PLEKHA6: variants seen among roughly 807,000 people sequenced by gnomAD.
The protein encoded by PLEKHA6 is pleckstrin homology domain containing A6.
Under a neutral mutation model 116.7 loss-of-function variants are expected in PLEKHA6, and 60 were observed. The observed-to-expected ratio is 0.51, with a 90% CI of 0.42 to 0.64. PLEKHA6 has a LOEUF of 0.64. PLEKHA6 is among the 30% of genes least tolerant of loss of function. The probability of loss-of-function intolerance (pLI) is 0.00; values close to 1 mark genes in which losing one functional copy is unlikely to be tolerated. For missense variants in PLEKHA6, 1,338 were observed against 1,422.7 expected, an observed-to-expected ratio of 0.94 and a Z score of 0.96; for synonymous variants, 489 against 556.1, an observed-to-expected ratio of 0.88 and a Z score of 1.70.
chr1:204,353,140 C>T (rs967455847), intron 1 of PLEKHA6, among the ~76,000 whole-genome samples: 1 of 152,198 alleles, frequency 6.6e-6, no homozygotes, highest in South Asian at 2.1e-4. Context: ...TACCACATCA[C>T]CCTGTCTCAT....
intron 1 of PLEKHA6, among the ~76,000 whole-genome samples, chr1:204,331,230 A>T (rs1156357450): frequency 6.6e-6 from 1 of 150,880 alleles, no homozygotes; most frequent in Non-Finnish European, 1.5e-5. Context: ...AGGAATGAGC[A>T]TCTCAGCCAA....
intron 3 of PLEKHA6, among the ~76,000 whole-genome samples, chr1:204,366,751 A>T (rs970569417): frequency 8.5e-5 from 13 of 152,266 alleles, no homozygotes; most frequent in Admixed American, 7.8e-4. Flanking sequence ...ACAGAGTGAG[A>T]CCCTATCTTA....
At chr1:204,348,724 C>G (rs201251163) in intron 1 of PLEKHA6, among the ~76,000 whole-genome samples, 1 of 133,192 alleles carries the variant, frequency 7.5e-6, no homozygotes, top group African/African-American at 2.8e-5. Context: ...ACCCCCCCCC[C>G]GCCATCTCCC....
intron 1 of PLEKHA6, among the ~76,000 whole-genome samples, chr1:204,327,475 C>A (rs554990552): frequency 6.6e-6 from 1 of 152,374 alleles, no homozygotes; most frequent in South Asian, 2.1e-4. Context: ...CTTCTGGGAG[C>A]CCCTTCTTGG....
intron 1 of PLEKHA6, among the ~76,000 whole-genome samples, chr1:204,354,689 A>G (rs533351729): frequency 6.6e-6 from 1 of 152,338 alleles, no homozygotes; most frequent in Non-Finnish European, 1.5e-5. Context: ...ATTTGAACCC[A>G]TGTCTTCAAA....
At chr1:204,331,813 C>T (rs955609887) in intron 1 of PLEKHA6, among the ~76,000 whole-genome samples, 1 of 152,012 alleles carries the variant, frequency 6.6e-6, no homozygotes, top group African/African-American at 2.4e-5. Context: ...AACGGTCAGC[C>T]GGCTGTCCCC....
chr1:204,282,793 C>A, intron 1 of PLEKHA6: 1 of 985,404 alleles, frequency 1.0e-6, no homozygotes, highest in Non-Finnish European at 1.2e-6. Context: ...GTGCTGTGTG[C>A]TCTTGTTCCC....
At chr1:204,297,053 CTTTT>C (rs1558154716) in intron 1 of PLEKHA6, 2 of 961,016 alleles carry the variant, frequency 2.1e-6, no homozygotes, top group Non-Finnish European at 2.5e-6. Flanking sequence ...CTGCAGATTT[CTTTT>C]TTTAAACTAC....
intron 1 of PLEKHA6, among the ~76,000 whole-genome samples, chr1:204,305,518 A>C (rs911123575): frequency 6.6e-6 from 1 of 152,110 alleles, no homozygotes; most frequent in Admixed American, 6.5e-5. Context: ...ATCTCTCTAT[A>C]CTCAAAATCT....
chr1:204,308,687 C>CTTTCTTTTTTTTTTTT (rs775770952), intron 1 of PLEKHA6, among the ~76,000 whole-genome samples: 1 of 81,404 alleles, frequency 1.2e-5, no homozygotes, highest in African/African-American at 5.4e-5. Flanking sequence ...TTTTCTTTTT[C>CTTTCTTTTTTTTTTTT]TTTTTTTTTT....
Position 204,247,469 on chromosome 1 carries a change from G to GA in PLEKHA6, c.1825-10dup, listed in dbSNP as rs1331322402. 7 of 1,591,478 alleles carry GA rather than the reference G, an allele frequency of 4.4e-6. No homozygotes were observed. In the East Asian group the frequency reaches 1.6e-4, roughly 36 times the overall value. On this transcript the variant is annotated splice_polypyrimidine_tract_variant and intron_variant, in intron 12 of 22. Transcript: ENST00000272203. The stretch of plus-strand genomic sequence containing the variant: ...GTGCTGTTTGTCAGGGCCTACGGGG[G>GA]AAAGAGGCGTTCACTGAGAAAGCCG...
chr1:204,340,763 T>G (rs1672817255), intron 1 of PLEKHA6, among the ~76,000 whole-genome samples: 1 of 152,024 alleles, frequency 6.6e-6, no homozygotes, highest in Admixed American at 6.5e-5. Context: ...GCCTCAGAGG[T>G]GCTGTTGCCT....
intron 1 of PLEKHA6, among the ~76,000 whole-genome samples, chr1:204,282,213 G>A (rs779987892): frequency 6.6e-6 from 1 of 152,128 alleles, no homozygotes; most frequent in Non-Finnish European, 1.5e-5. Context: ...TCAGGGTAAC[G>A]GGTTCAAGCT....
chr1:204,367,958 A>G (rs1673693093), intron 2 of PLEKHA6: 1 of 152,232 alleles, frequency 6.6e-6, no homozygotes, highest in Non-Finnish European at 1.5e-5. Context: ...GGGTGCCTGG[A>G]CAGTCAGGAA....
rs183885855 is a variant in PLEKHA6, at chr1:204,359,761, C to G, written c.-162G>C. 1.1e-6 allele frequency: 1 copy of G among 915,038 alleles called. No homozygotes were observed. Among genetic ancestry groups the G allele is most frequent in the Admixed American group, 6.2e-5 (1 of 16,184 alleles). 56.7% of individuals were successfully genotyped at this position (915,038 alleles called of 1,614,324 possible). A position where few individuals can be genotyped will look rare whatever the true frequency, so the allele number is the denominator to read the frequency against. Reference sequence around the variant, plus strand: ...TGCGAGCCCCAAGGCACCCCTCCCCCCAGCTCAGGCCAGCTGGGGTCCTCC... The same window carrying G: ...TGCGAGCCCCAAGGCACCCCTCCCCGCAGCTCAGGCCAGCTGGGGTCCTCC... On this transcript the variant is annotated 5_prime_UTR_variant, in exon 1 of 23. Transcript: ENST00000272203.
Position 204,228,692 on chromosome 1 carries a change from G to T in PLEKHA6, c.2885+36C>A. The T allele has an allele frequency of 1.2e-6, 2 of 1,608,544 alleles. No homozygotes were observed. The highest frequency in any genetic ancestry group is 1.1e-5 in the South Asian group (1 of 90,852). On this transcript the variant is annotated intron_variant, in intron 20 of 22. Coordinates refer to ENST00000272203, the MANE Select transcript of PLEKHA6 (RefSeq NM_014935.5). This position sits in a 1 kb window ranked among gnomAD's most constrained non-coding sequence, Gnocchi z 4.0. ...GCCCAGGTGTCCTAGGTGCCAGGGT[G>T]AGCAGAGGAAGTAGAGGCTCACCCA...
intron 1 of PLEKHA6, among the ~76,000 whole-genome samples, chr1:204,290,383 T>C (rs1299748676): frequency 1.3e-5 from 2 of 152,206 alleles, no homozygotes; most frequent in Non-Finnish European, 2.9e-5. Flanking sequence ...ATCCACACAT[T>C]TTGGTCAATT....
intron 5 of PLEKHA6, among the ~76,000 whole-genome samples, chr1:204,266,196 C>T (rs1004665879): frequency 6.6e-6 from 1 of 152,148 alleles, no homozygotes; most frequent in African/African-American, 2.4e-5. Flanking sequence ...AAGGGGTAAA[C>T]CAGAGTAGTA....
At chr1:204,245,754 G>A (rs753894063) in intron 13 of PLEKHA6, 28 bp from the exon 14 acceptor site, 22 of 1,501,962 alleles carry the variant, frequency 1.5e-5, no homozygotes, top group Non-Finnish European at 1.8e-5. Context: ...TGAGTCAAAG[G>A]AAATGGCCAT....
Sources: allele counts gnomAD v4.1 joint callset (sites outside exome capture counted in the v4.1 genomes callset), GRCh38; gene constraint gnomAD v4.1.1; non-coding constraint Gnocchi (gnomAD v3.1); transcripts MANE v1.5; gene names NCBI Gene and HGNC (gene_info 2026-07-23, HGNC 2026-07-21).